The following ARHGAP24 variants were observed in gnomAD, a reference collection of about 807,000 sequenced individuals.
The protein encoded by ARHGAP24 is rho GTPase-activating protein 24.
Under a neutral mutation model 76.4 loss-of-function variants are expected in ARHGAP24, and 50 were observed. The observed-to-expected ratio is 0.65, with a 90% CI of 0.52 to 0.83. ARHGAP24 has a LOEUF of 0.83. ARHGAP24 is among the 40% of genes least tolerant of loss of function. ARHGAP24 has a pLI of 0.00. For synonymous variants in ARHGAP24, 345 were observed against 323.3 expected, an observed-to-expected ratio of 1.07 and a Z score of -0.72; for missense variants, 930 against 914.2, an observed-to-expected ratio of 1.02 and a Z score of -0.22.
At chr4:85,835,730 G>A (rs1174404566) in intron 3 of ARHGAP24, among the ~76,000 whole-genome samples, 1 of 151,986 alleles carries the variant, frequency 6.6e-6, no homozygotes, top group Non-Finnish European at 1.5e-5. Context: ...CTGTTGCCCG[G>A]GCAGGAGTGC....
At position 85,972,113 on chromosome 4, in the gene ARHGAP24, C is replaced by T. The variant is rs942755287; in HGVS notation, c.677C>T (p.Ala226Val). The T allele has an allele frequency of 6.2e-6, 10 of 1,613,508 alleles. No homozygotes were observed. Among genetic ancestry groups the T allele is most frequent in the South Asian group, 2.2e-5 (2 of 91,022 alleles). Residue 226 changes from alanine to valine, a missense_variant, in exon 6 of 10, where the codon GCG becomes GTG. By Grantham distance (64) the Ala-to-Val change is moderately conservative. Transcript: ENST00000395184. ...RELPEPVIPYAKYEDFLSCAK... is the reference protein window; with the variant it reads ...RELPEPVIPYVKYEDFLSCAK... ...CTTCCAGAACCAGTTATTCCTTATG[C>T]GAAGTATGAAGATTTTTTGTCATGT...
At chr4:85,476,327 G>A (rs1204909354) in intron 1 of ARHGAP24, among the ~76,000 whole-genome samples, 1 of 151,966 alleles carries the variant, frequency 6.6e-6, no homozygotes, top group Non-Finnish European at 1.5e-5. Flanking sequence ...CAGTAATAGG[G>A]AGCCCAGACT....
chr4:85,665,934 T>A (rs1722598566), intron 2 of ARHGAP24, among the ~76,000 whole-genome samples: 1 of 152,248 alleles, frequency 6.6e-6, no homozygotes, highest in Non-Finnish European at 1.5e-5. Flanking sequence ...CCTTTCTCTC[T>A]GGCTGCCCTT....
intron 2 of ARHGAP24, among the ~76,000 whole-genome samples, chr4:85,666,353 G>T (rs888955642): frequency 5.9e-5 from 9 of 151,808 alleles, no homozygotes; most frequent in Admixed American, 3.9e-4. Context: ...TCAAGCTCCT[G>T]TAAGCACTTC....
intron 3 of ARHGAP24, among the ~76,000 whole-genome samples, chr4:85,787,623 C>A (rs934864239): frequency 2.0e-5 from 3 of 152,028 alleles, no homozygotes; most frequent in Non-Finnish European, 4.4e-5. Context: ...ATAATGACAA[C>A]AACAAAATAA....
intron 3 of ARHGAP24, among the ~76,000 whole-genome samples, chr4:85,773,271 C>T (rs1004142399): frequency 1.3e-5 from 2 of 152,138 alleles, no homozygotes; most frequent in African/African-American, 2.4e-5. Context: ...AGAATTTTCT[C>T]TTCACTTAGT....
Position 85,570,706 on chromosome 4 carries a change from T to C in ARHGAP24, c.165T>C (p.Asp55=), listed in dbSNP as rs377600102. Residue 55 remains aspartate (D), a synonymous_variant, in exon 2 of 10, where the codon GAT becomes GAC. Transcript: ENST00000395184. ...AGCTCTATTATTTCAAAGATGAAGA[T>C]GAAACCAAGCCCTTGGTGAGTAGGA... The part of the protein sequence containing the change: ...GDQLYYFKDE[D]ETKPLGTIFL... The C allele has an allele frequency of 4.5e-5, 73 of 1,613,922 alleles. 1 individual carries two copies. The highest frequency in any genetic ancestry group is 8.0e-5 in the African/African-American group (6 of 74,894).
At chr4:85,872,788 A>T (rs920873176) in intron 3 of ARHGAP24, among the ~76,000 whole-genome samples, 3 of 150,020 alleles carry the variant, frequency 2.0e-5, no homozygotes, top group Non-Finnish European at 4.4e-5. Flanking sequence ...TTTTGTAGAG[A>T]TGGGGTCTTG....
intron 2 of ARHGAP24, among the ~76,000 whole-genome samples, chr4:85,674,990 G>A (rs150624260): frequency 1.3e-5 from 2 of 152,282 alleles, no homozygotes; most frequent in African/African-American, 4.8e-5. Flanking sequence ...TGTAATCAGA[G>A]GGTTCTGCTG....
chr4:85,976,755 T>C (rs1037042565), intron 7 of ARHGAP24, among the ~76,000 whole-genome samples: 3 of 151,468 alleles, frequency 2.0e-5, no homozygotes, highest in African/African-American at 7.3e-5. Context: ...AACTGTGTTT[T>C]AATTTCTACA....
At chr4:85,880,104 G>A (rs2148767281) in intron 3 of ARHGAP24, among the ~76,000 whole-genome samples, 1 of 152,258 alleles carries the variant, frequency 6.6e-6, no homozygotes. Flanking sequence ...ACCTATGATA[G>A]AGTTTCATTT....
rs1188341642 is a variant in ARHGAP24, at chr4:85,923,784, A to G, written c.391+14A>G. The G allele has an allele frequency of 3.1e-6, 5 of 1,613,744 alleles. No individual in the cohort carries two copies. In the Admixed American group the frequency reaches 6.7e-5, roughly 22 times the overall value. Reference sequence around the variant, plus strand: ...CTTTCGGAGGAGGTGAGTGTACTTTAAAATCATGGAAAAACAGAAAGGTAG... The same window carrying G: ...CTTTCGGAGGAGGTGAGTGTACTTTGAAATCATGGAAAAACAGAAAGGTAG... On this transcript the variant is annotated intron_variant, in intron 4 of 9. Transcript: ENST00000395184.
chr4:85,475,641 GC>G (rs1722552009), intron 1 of ARHGAP24, 82 bp downstream of exon 1: 1 of 29,448 alleles, frequency 3.4e-5, no homozygotes, highest in African/African-American at 9.0e-5. Context: ...GGAGGGGGCT[GC>G]GGGGGGCGGG....
At chr4:85,726,964 G>C (rs1725191874) in intron 3 of ARHGAP24, among the ~76,000 whole-genome samples, 1 of 152,118 alleles carries the variant, frequency 6.6e-6, no homozygotes, top group South Asian at 2.1e-4. Context: ...AGGTGATCCT[G>C]AGGTTGGGGC....
At chr4:85,898,106 T>A (rs761732067) in intron 3 of ARHGAP24, among the ~76,000 whole-genome samples, 1 of 150,284 alleles carries the variant, frequency 6.7e-6, no homozygotes, top group Non-Finnish European at 1.5e-5. Flanking sequence ...GGGGAGACTT[T>A]GGAAGGTCAC....
intron 3 of ARHGAP24, among the ~76,000 whole-genome samples, chr4:85,852,849 G>A (rs764451372): frequency 6.6e-6 from 1 of 152,272 alleles, no homozygotes; most frequent in South Asian, 2.1e-4. Flanking sequence ...TGGAAGCATC[G>A]TCCCAGAGGG....
At chr4:85,910,877 C>A (rs1735036864) in intron 3 of ARHGAP24, among the ~76,000 whole-genome samples, 1 of 152,100 alleles carries the variant, frequency 6.6e-6, no homozygotes, top group African/African-American at 2.4e-5. Context: ...TCATCCCCGG[C>A]CTGAAGGTGG....
chr4:85,587,799 T>G (rs1219113782), intron 2 of ARHGAP24, among the ~76,000 whole-genome samples: 1 of 152,180 alleles, frequency 6.6e-6, no homozygotes, highest in Admixed American at 6.5e-5. Context: ...TTTATGCATG[T>G]GATATATCCC....
intron 1 of ARHGAP24, among the ~76,000 whole-genome samples, chr4:85,496,853 A>G (rs1002324845): frequency 2.0e-5 from 3 of 152,204 alleles, no homozygotes; most frequent in Admixed American, 6.5e-5. Context: ...GTGAAAGTCT[A>G]TCCTTTCTGA....
Sources: allele counts gnomAD v4.1 joint callset (sites outside exome capture counted in the v4.1 genomes callset), GRCh38; gene constraint gnomAD v4.1.1; transcripts MANE v1.5; gene names NCBI Gene and HGNC (gene_info 2026-07-23, HGNC 2026-07-21).